Variants in ATRNL1 observed in about 807,000 individuals in gnomAD.
ATRNL1 encodes the protein attractin-like protein 1.
ATRNL1 carries 95 observed loss-of-function variants against 182.7 expected under a neutral mutation model. That is an observed-to-expected ratio of 0.52 (90% CI 0.44 to 0.62). The LOEUF is 0.62. ATRNL1 is among the 20% of genes least tolerant of loss of function. The probability of loss-of-function intolerance (pLI) is 0.00; values close to 1 mark genes in which losing one functional copy is unlikely to be tolerated. For missense variants in ATRNL1, 1,471 were observed against 1,679.5 expected, an observed-to-expected ratio of 0.88 and a Z score of 2.17; for synonymous variants, 576 against 568.3, an observed-to-expected ratio of 1.01 and a Z score of -0.19.
At chr10:115,809,793 C>T (rs1475408479) in intron 27 of ATRNL1, among the ~76,000 whole-genome samples, 1 of 151,816 alleles carries the variant, frequency 6.6e-6, no homozygotes, top group Admixed American at 6.6e-5. Context: ...ATTTCTTTTA[C>T]TTGCCTTGTT....
intron 26 of ATRNL1, among the ~76,000 whole-genome samples, chr10:115,695,154 C>T (rs868936625): frequency 1.3e-5 from 2 of 151,928 alleles, no homozygotes; most frequent in Non-Finnish European, 2.9e-5. Flanking sequence ...AAGAAAAATT[C>T]AAAACCCTTT....
intron 3 of ATRNL1, among the ~76,000 whole-genome samples, chr10:115,122,423 T>G (rs1327671356): frequency 6.6e-6 from 1 of 151,828 alleles, no homozygotes; most frequent in Non-Finnish European, 1.5e-5. Flanking sequence ...TAGGAGAAAA[T>G]CTATTAGACA....
intron 28 of ATRNL1, among the ~76,000 whole-genome samples, chr10:115,938,076 T>C (rs928723896): frequency 6.6e-6 from 1 of 152,252 alleles, no homozygotes; most frequent in Non-Finnish European, 1.5e-5. Context: ...CTGAGGCTTT[T>C]GTTCAAATGT....
At chr10:115,635,947 C>G (rs943941046) in intron 26 of ATRNL1, among the ~76,000 whole-genome samples, 3 of 152,038 alleles carry the variant, frequency 2.0e-5, no homozygotes, top group Non-Finnish European at 4.4e-5. Context: ...CAATAAAAGA[C>G]AAAACTAATC....
intron 7 of ATRNL1, among the ~76,000 whole-genome samples, chr10:115,168,902 A>G (rs1029017102): frequency 6.6e-6 from 1 of 151,360 alleles, no homozygotes; most frequent in Non-Finnish European, 1.5e-5. Flanking sequence ...GGTCATAAAG[A>G]CTTAACCCAA....
chr10:115,124,960 C>T (rs79820171), intron 3 of ATRNL1, among the ~76,000 whole-genome samples: 1,988 of 152,224 alleles, frequency 0.013, 40 homozygotes, highest in African/African-American at 0.046. Flanking sequence ...AAATAAATAA[C>T]TAATCCTTCA....
intron 21 of ATRNL1, among the ~76,000 whole-genome samples, chr10:115,441,296 A>T (rs1178144237): frequency 1.3e-5 from 2 of 151,820 alleles, no homozygotes; most frequent in African/African-American, 4.8e-5. Context: ...CTATTGCACC[A>T]TTTCTGTATT....
chr10:115,446,851 C>A (rs1847025108), intron 21 of ATRNL1, among the ~76,000 whole-genome samples: 1 of 151,752 alleles, frequency 6.6e-6, no homozygotes, highest in Non-Finnish European at 1.5e-5. Flanking sequence ...AATTGTGGAT[C>A]TCCGATTTTC....
At chr10:115,624,855 A>G (rs1857989651) in intron 26 of ATRNL1, among the ~76,000 whole-genome samples, 1 of 152,154 alleles carries the variant, frequency 6.6e-6, no homozygotes, top group Admixed American at 6.6e-5. Context: ...TACAGGATAT[A>G]TTTCATTTTC....
At chr10:115,599,348 C>A (rs1233623436) in intron 26 of ATRNL1, among the ~76,000 whole-genome samples, 1 of 152,104 alleles carries the variant, frequency 6.6e-6, no homozygotes, top group Admixed American at 6.6e-5. Flanking sequence ...AATGGTGCTT[C>A]ATGAAAAAGG....
intron 5 of ATRNL1, among the ~76,000 whole-genome samples, chr10:115,135,042 A>C (rs1264787): frequency 0.34 from 50,909 of 151,706 alleles, 8,966 homozygotes; most frequent in African/African-American, 0.42. Flanking sequence ...ATCTCAAAAT[A>C]ATAAGAGGTA....
intron 14 of ATRNL1, among the ~76,000 whole-genome samples, chr10:115,284,229 A>G (rs1337142355): frequency 6.6e-6 from 1 of 152,158 alleles, no homozygotes; most frequent in Non-Finnish European, 1.5e-5. Flanking sequence ...TGGTAGTATA[A>G]TTTAGTTTAG....
chr10:115,219,026 G>A (rs1483553779), intron 9 of ATRNL1, among the ~76,000 whole-genome samples: 1 of 152,130 alleles, frequency 6.6e-6, no homozygotes, highest in Non-Finnish European at 1.5e-5. Flanking sequence ...CACGAGGTCA[G>A]GAGTTTGAGA....
At chr10:115,487,190 C>T (rs1221537184) in intron 24 of ATRNL1, among the ~76,000 whole-genome samples, 9 of 152,058 alleles carry the variant, frequency 5.9e-5, no homozygotes, top group East Asian at 1.9e-4. Context: ...CAACTCTGTT[C>T]GTTTTGCTTA....
At chr10:115,165,419 A>G (rs1363732731) in intron 6 of ATRNL1, 139 bp from the exon 7 acceptor site, 2 of 425,086 alleles carry the variant, frequency 4.7e-6, no homozygotes, top group Non-Finnish European at 8.4e-6. Flanking sequence ...AATATGGCAC[A>G]TGAAATTATG....
At chr10:115,619,413 G>GC (rs1857604245) in intron 26 of ATRNL1, among the ~76,000 whole-genome samples, 1 of 152,064 alleles carries the variant, frequency 6.6e-6, no homozygotes, top group South Asian at 2.1e-4. Flanking sequence ...TGGACTGTGT[G>GC]CCCTGAGCAA....
At chr10:115,625,815 A>G (rs546090528) in intron 26 of ATRNL1, among the ~76,000 whole-genome samples, 1 of 152,164 alleles carries the variant, frequency 6.6e-6, no homozygotes, top group South Asian at 2.1e-4. Flanking sequence ...TATATTTCCA[A>G]CCTCAATGAA....
In ATRNL1 at chr10:115,093,811, A is replaced by C; in HGVS notation, c.61A>C (p.Arg21=). 2.0e-6 allele frequency: 3 copies of C among 1,493,988 alleles called. No homozygotes were observed. The highest frequency in any genetic ancestry group is 2.7e-6 in the Non-Finnish European group (3 of 1,123,028). The allele number at this position is 1,493,988 out of a possible 1,614,324, so 92.5% of individuals were successfully genotyped here. The change falls in exon 1 of 29, where the codon AGG becomes CGG. Residue 21 remains arginine, a synonymous_variant. Coordinates refer to ENST00000355044, the MANE Select transcript of ATRNL1 (RefSeq NM_207303.4). This position sits in a 1 kb window ranked among gnomAD's most constrained non-coding sequence, Gnocchi z 6.1. ...TPQPAAPGVW[R]ARPAGGGGGG... is the part of the protein sequence containing the mutation. ...GCAGCCAGCGGCCCCGGGGGTGTGG[A>C]GGGCTCGGCCGGCGGGCGGCGGCGG...
At chr10:115,237,764 A>T (rs1011074903) in intron 9 of ATRNL1, among the ~76,000 whole-genome samples, 2 of 152,118 alleles carry the variant, frequency 1.3e-5, no homozygotes, top group Non-Finnish European at 2.9e-5. Context: ...TTCATCATTT[A>T]TGCTTTTGTT....
Sources: allele counts gnomAD v4.1 joint callset (sites outside exome capture counted in the v4.1 genomes callset), GRCh38; gene constraint gnomAD v4.1.1; non-coding constraint Gnocchi (gnomAD v3.1); transcripts MANE v1.5; gene names NCBI Gene and HGNC (gene_info 2026-07-23, HGNC 2026-07-21).